Variants in ARHGAP35 observed in about 807,000 individuals in gnomAD.
ARHGAP35 encodes the protein rho GTPase-activating protein 35.
Under a neutral mutation model 111.1 loss-of-function variants are expected in ARHGAP35, and 15 were observed. The observed-to-expected ratio is 0.13, with a 90% CI of 0.09 to 0.21. The LOEUF is 0.21. Among genes scored for constraint, ARHGAP35 ranks in the 10% least tolerant of loss-of-function variants. The probability of loss-of-function intolerance (pLI) is 1.00; values close to 1 mark genes in which losing one functional copy is unlikely to be tolerated. For missense variants in ARHGAP35, 1,262 were observed against 1,873.0 expected (o/e 0.67, Z 6.02); for synonymous variants, 643 against 710.3 (o/e 0.91, Z 1.51).
At position 46,986,245 on chromosome 19, in the gene ARHGAP35, T is replaced by G. The variant is rs114281319; in HGVS notation, c.3827-1744T>G. 0.012 allele frequency among the ~76,000 whole-genome samples: 1,848 copies of G among 152,172 alleles called. 38 individuals are homozygous for G. The highest frequency in any genetic ancestry group is 0.04 in the African/African-American group (1,677 of 41,518). On this transcript the variant is annotated intron_variant, in intron 3 of 6. Transcript: ENST00000672722. This position sits in a 1 kb window ranked among gnomAD's most constrained non-coding sequence, Gnocchi z 4.3. Reference sequence around the variant, plus strand: ...GACTTCGTTCCCAGGACAGGGTGAGTGGACTCAGTAGACAGCTTGGAATCC... The same window carrying G: ...GACTTCGTTCCCAGGACAGGGTGAGGGGACTCAGTAGACAGCTTGGAATCC...
At position 46,920,047 on chromosome 19, in the gene ARHGAP35, T is replaced by C; in HGVS notation, c.1372T>C (p.Phe458Leu). Residue 458 changes from phenylalanine (F) to leucine (L), a missense_variant, in exon 2 of 7, where the codon TTT becomes CTT. By Grantham distance (22) the Phe-to-Leu change is conservative (BLOSUM62 0). Around this residue, in one of 8 missense-constraint regions of ARHGAP35, gnomAD observed 328 missense variants for 440.8 expected, o/e 0.74. Transcript: ENST00000672722. This position sits in a 1 kb window ranked among gnomAD's most constrained non-coding sequence, Gnocchi z 7.0. Reference sequence around the variant, plus strand: ...AAAGCCTTGGGAAGAGGCCCGTAGTTTTATTATGAATGAGGATTTCTACCA... The same window carrying C: ...AAAGCCTTGGGAAGAGGCCCGTAGTCTTATTATGAATGAGGATTTCTACCA... ...PGKPWEEARS[F>L]IMNEDFYQWL... 1 of 1,613,632 alleles carries C rather than the reference T, an allele frequency of 6.2e-7. No individual in the cohort carries two copies. The highest frequency in any genetic ancestry group is 8.5e-7 in the Non-Finnish European group (1 of 1,179,804).
chr19:46,897,160 A>C (rs1197046169), intron 1 of ARHGAP35, among the ~76,000 whole-genome samples: 2 of 151,824 alleles, frequency 1.3e-5, no homozygotes, highest in Non-Finnish European at 2.9e-5. Flanking sequence ...CAGCCTCCCA[A>C]AGTGCTGGGG....
chr19:46,960,579 A>C (rs918252598), intron 3 of ARHGAP35, among the ~76,000 whole-genome samples: 1 of 152,246 alleles, frequency 6.6e-6, no homozygotes, highest in Admixed American at 6.5e-5. Flanking sequence ...TTGTGTGAAA[A>C]GTAATTTAGC....
intron 1 of ARHGAP35, among the ~76,000 whole-genome samples, chr19:46,902,483 T>C (rs1486140894): frequency 6.6e-6 from 1 of 152,052 alleles, no homozygotes; most frequent in Admixed American, 6.6e-5. Context: ...GAGAAAGGGG[T>C]GTGAGAAGGC....
chr19:46,929,591 CTTTTT>C (rs55818906), intron 2 of ARHGAP35, among the ~76,000 whole-genome samples: 1,145 of 93,036 alleles, frequency 0.012, 17 homozygotes, highest in African/African-American at 0.046. Flanking sequence ...ACCTGTTACT[CTTTTT>C]TTTTTTTTTT....
chr19:46,878,096 T>A (rs914384785), intron 1 of ARHGAP35, among the ~76,000 whole-genome samples: 1 of 152,110 alleles, frequency 6.6e-6, no homozygotes, highest in African/African-American at 2.4e-5. Flanking sequence ...CAATCTTGGC[T>A]CACTGCACCT....
chr19:46,960,342 G>A (rs1274979270), intron 3 of ARHGAP35, among the ~76,000 whole-genome samples: 2 of 152,168 alleles, frequency 1.3e-5, no homozygotes, highest in East Asian at 3.8e-4. Context: ...GGCAGTGGGT[G>A]CCACAGGAGC....
rs767332838 is a variant in ARHGAP35, at chr19:46,922,391, T to C, written c.3681+35T>C. ...CAGTCTAGGATTAGTCATAGTGTTT[T>C]GTACAGCGTCTCGGTGAGGGTTGAT... On this transcript the variant is annotated intron_variant, in intron 2 of 6. Transcript: ENST00000672722. This position sits in a 1 kb window ranked among gnomAD's most constrained non-coding sequence, Gnocchi z 4.0. The C allele has an allele frequency of 6.7e-7, 1 of 1,497,262 alleles. No individual in the cohort carries two copies. Among genetic ancestry groups the C allele is most frequent in the Non-Finnish European group, 8.9e-7 (1 of 1,123,536 alleles). 92.7% of individuals were successfully genotyped at this position (1,497,262 alleles called of 1,614,324 possible).
rs555065355 is a variant in ARHGAP35 at position 46,992,642 on chromosome 19, G to A, written c.4036+2967G>A. Among the ~76,000 whole-genome samples the A allele has an allele frequency of 6.1e-4, 93 of 152,260 alleles. No individual in the cohort carries two copies. The highest frequency in any genetic ancestry group is 3.7e-3 in the Admixed American group (56 of 15,294). On this transcript the variant is annotated intron_variant, in intron 5 of 6. Coordinates refer to ENST00000672722, the MANE Select transcript of ARHGAP35 (RefSeq NM_004491.5). This position sits in a 1 kb window ranked among gnomAD's most constrained non-coding sequence, Gnocchi z 4.4. Reference sequence around the variant, plus strand: ...TGGAAGGGGTGCTAGAGCTGGCTCCGTCTCAAGCCAGAGGGTCAGGACCAA... The same window carrying A: ...TGGAAGGGGTGCTAGAGCTGGCTCCATCTCAAGCCAGAGGGTCAGGACCAA...
At chr19:46,935,427 C>CT (rs111957464) in intron 2 of ARHGAP35, among the ~76,000 whole-genome samples, 6 of 151,684 alleles carry the variant, frequency 4.0e-5, no homozygotes, top group South Asian at 2.1e-4. Flanking sequence ...CTGATCTGTT[C>CT]TTTTTTTTTC....
At chr19:46,948,471 A>G (rs913859620) in intron 3 of ARHGAP35, 1 of 152,254 alleles carries the variant, frequency 6.6e-6, no homozygotes, top group African/African-American at 2.4e-5. Flanking sequence ...ACTTGTACTC[A>G]GCTGTTTCTA....
chr19:46,912,138 G>C (rs1237999528), intron 1 of ARHGAP35, among the ~76,000 whole-genome samples: 1 of 151,184 alleles, frequency 6.6e-6, no homozygotes, highest in African/African-American at 2.4e-5. Context: ...CTGCCTCTAG[G>C]GTTCTAGCGA....
chr19:46,879,935 A>G (rs1050942561), intron 1 of ARHGAP35, among the ~76,000 whole-genome samples: 3 of 151,824 alleles, frequency 2.0e-5, no homozygotes, highest in South Asian at 2.1e-4. Context: ...AGAATACACA[A>G]ATTAGCCAGG....
In ARHGAP35 at chr19:47,000,290, C is replaced by T. The variant is rs1485023625; in HGVS notation, c.4143-41C>T. 6.3e-7 allele frequency: 1 copy of T among 1,595,874 alleles called. No individual in the cohort carries two copies. The highest frequency in any genetic ancestry group is 1.3e-5 in the African/African-American group (1 of 74,702). Reference sequence around the variant, plus strand: ...CATGAGCGCCCAGGGCCAGGTGGGGCCCTGCACAGTTCTGACCATTGAGTT... The same window carrying T: ...CATGAGCGCCCAGGGCCAGGTGGGGTCCTGCACAGTTCTGACCATTGAGTT... On this transcript the variant is annotated intron_variant, in intron 6 of 6. Transcript: ENST00000672722. The surrounding 1 kb of genome is among the most constrained non-coding windows in gnomAD (Gnocchi z 6.9).
Position 46,993,084 on chromosome 19 carries a change from A to T in ARHGAP35, c.4036+3409A>T, listed in dbSNP as rs772082688. Among the ~76,000 whole-genome samples the T allele has an allele frequency of 2.6e-5, 4 of 152,132 alleles. No individual in the cohort carries two copies. The highest frequency in any genetic ancestry group is 4.4e-5 in the Non-Finnish European group (3 of 68,024). ...GACAGATGGCAGTGGGCACACACATATGTGGTCCCAGGCTCAGTCTGGTGG... is the reference window on the plus strand; with the variant it reads ...GACAGATGGCAGTGGGCACACACATTTGTGGTCCCAGGCTCAGTCTGGTGG... On this transcript the variant is annotated intron_variant, in intron 5 of 6. Coordinates refer to ENST00000672722, the MANE Select transcript of ARHGAP35 (RefSeq NM_004491.5). This position sits in a 1 kb window ranked among gnomAD's most constrained non-coding sequence, Gnocchi z 4.6.
rs372055367 is a variant in ARHGAP35 at position 46,921,603 on chromosome 19, G to T, written c.2928G>T (p.Pro976=). 10 of 1,613,892 alleles carry T rather than the reference G, an allele frequency of 6.2e-6. No homozygotes were observed. Among genetic ancestry groups the T allele is most frequent in the Non-Finnish European group, 8.5e-6 (10 of 1,179,872 alleles). ...TTAACTCCCCCCGGGCAGGATCACC[G>T]CTCTGCAACTCAAACCTGCAGGATT... ...EVFNSPRAGS[P]LCNSNLQDSE... Residue 976 remains proline, a synonymous_variant, in exon 2 of 7, where the codon CCG becomes CCT. Transcript: ENST00000672722. This position sits in a 1 kb window ranked among gnomAD's most constrained non-coding sequence, Gnocchi z 4.3.
At chr19:46,900,063 T>C (rs1351866382) in intron 1 of ARHGAP35, among the ~76,000 whole-genome samples, 1 of 152,214 alleles carries the variant, frequency 6.6e-6, no homozygotes, top group East Asian at 1.9e-4. Flanking sequence ...CTTATGCTCT[T>C]GAAAAGGTCT....
At chr19:46,927,462 G>C (rs968073100) in intron 2 of ARHGAP35, among the ~76,000 whole-genome samples, 2 of 152,216 alleles carry the variant, frequency 1.3e-5, no homozygotes, top group Non-Finnish European at 2.9e-5. Flanking sequence ...GACTTTGGAA[G>C]CTGAGGCAGA....
At chr19:46,904,881 C>T (rs751149091) in intron 1 of ARHGAP35, among the ~76,000 whole-genome samples, 3 of 152,174 alleles carry the variant, frequency 2.0e-5, no homozygotes, top group Non-Finnish European at 4.4e-5. Context: ...TTGCCCCCAG[C>T]GTCTCCCACC....
Sources: gnomAD v4.1 joint callset for allele counts (sites outside exome capture counted in the v4.1 genomes callset) on GRCh38, gnomAD v4.1.1 for gene constraint, gnomAD v4.1.1 regional missense constraint, Gnocchi (gnomAD v3.1) non-coding constraint, MANE v1.5 for transcripts, NCBI Gene and HGNC (gene_info 2026-07-23, HGNC 2026-07-21) for gene names.